SLC2A14: variants seen among roughly 807,000 people sequenced by gnomAD.
The protein encoded by SLC2A14 is solute carrier family 2, facilitated glucose transporter member 14.
SLC2A14 carries 13 observed loss-of-function variants against 43.0 expected under a neutral mutation model. The observed-to-expected ratio is 0.30, with a 90% CI of 0.20 to 0.48. SLC2A14 has a LOEUF of 0.48. SLC2A14 is among the 20% of genes least tolerant of loss of function. SLC2A14 has a pLI of 0.99. For synonymous variants in SLC2A14, 190 were observed against 233.8 expected (o/e 0.81, Z 1.71); for missense variants, 428 against 620.4 (o/e 0.69, Z 3.29).
chr12:7,862,264 CAAAAAAAAAAAA>C (rs71038792), intron 2 of SLC2A14, among the ~76,000 whole-genome samples: 1 of 58,922 alleles, frequency 1.7e-5, no homozygotes, highest in South Asian at 6.5e-4. Flanking sequence ...ACTTGTCTCT[CAAAAAAAAAAAA>C]AAAAAAAAAA....
upstream of SLC2A14, among the ~76,000 whole-genome samples, chr12:7,874,439 C>T (rs770851412): frequency 2.6e-5 from 4 of 151,750 alleles, no homozygotes; most frequent in Admixed American, 2.6e-4. Flanking sequence ...TTTGGGAGGC[C>T]GAGGCAGGTG....
rs746573017 is a variant in SLC2A14 at position 7,814,420 on chromosome 12, G to A, written c.1390C>T (p.Arg464Trp). Residue 464 changes from arginine (R) to tryptophan (W), a missense_variant, in exon 11 of 11, where the codon CGG becomes TGG. Coordinates refer to ENST00000431042, the MANE Select transcript of SLC2A14 (RefSeq NM_001286234.2). ...CCGTGTGCCTGCCCTTCAAAGGCCC[G>A]TGTGATATCCTCAAAAGTCCTGCCA... ...TRGRTFEDIT[R>W]AFEGQAHGAD... is the part of the protein sequence containing the mutation. The A allele has an allele frequency of 1.6e-5, 26 of 1,613,360 alleles. No homozygotes were observed. The highest frequency in any genetic ancestry group is 2.2e-5 in the East Asian group (1 of 44,864).
chr12:7,823,015 A>G (rs1864053442), intron 7 of SLC2A14, among the ~76,000 whole-genome samples: 1 of 152,190 alleles, frequency 6.6e-6, no homozygotes, highest in South Asian at 2.1e-4. Flanking sequence ...ATGAAATAAT[A>G]CCAGCTACTA....
intron 3 of SLC2A14, among the ~76,000 whole-genome samples, chr12:7,832,015 G>C (rs992834853): frequency 6.6e-6 from 1 of 152,262 alleles, no homozygotes; most frequent in African/African-American, 2.4e-5. Flanking sequence ...GGCTGAGGTA[G>C]GAGAATCGCT....
At chr12:7,884,618 A>C in intron 1 of SLC2A14, among the ~76,000 whole-genome samples, 1 of 152,138 alleles carries the variant, frequency 6.6e-6, no homozygotes, top group Admixed American at 6.6e-5. Context: ...GCATTGTCAT[A>C]GGTGCTGGAC....
At chr12:7,875,138 A>T (rs1321227852), upstream of SLC2A14, among the ~76,000 whole-genome samples, 10 of 136,690 alleles carry the variant, frequency 7.3e-5, no homozygotes, top group East Asian at 4.0e-4. Flanking sequence ...AATATATTTA[A>T]ATATTATATT....
intron 2 of SLC2A14, among the ~76,000 whole-genome samples, chr12:7,845,052 A>C (rs1410963953): frequency 6.6e-6 from 1 of 152,130 alleles, no homozygotes; most frequent in East Asian, 1.9e-4. Context: ...TAAGTTGTGA[A>C]TTACGACTAG....
In SLC2A14 at chr12:7,831,780, T is replaced by C. The variant is rs1290856289; in HGVS notation, c.112-16A>G. The stretch of plus-strand genomic sequence containing the variant: ...CCTTTATGATCTGCAAAATAAAAGG[T>C]GGGAGGACAGACTATTACAGTTGGA... On this transcript the variant is annotated splice_polypyrimidine_tract_variant and intron_variant, in intron 3 of 10. Transcript: ENST00000431042. 1.9e-6 allele frequency: 3 copies of C among 1,613,904 alleles called. No individual in the cohort carries two copies. Among genetic ancestry groups the C allele is most frequent in the Non-Finnish European group, 1.7e-6 (2 of 1,179,872 alleles).
rs140578128 is a variant in SLC2A14, at chr12:7,857,352, G to T, written c.18+12511C>A. On this transcript the variant is annotated intron_variant, in intron 2 of 10. Transcript: ENST00000431042. ...GCCTGTAATCCTAGCATTTTGGGAGGCCAAGGTGGGTGGATGACTTGAGGT... is the reference window on the plus strand; with the variant it reads ...GCCTGTAATCCTAGCATTTTGGGAGTCCAAGGTGGGTGGATGACTTGAGGT... Among the ~76,000 whole-genome samples the T allele has an allele frequency of 1.5e-3, 225 of 152,266 alleles. 1 individual carries two copies. Among genetic ancestry groups the T allele is most frequent in the African/African-American group, 4.6e-3 (193 of 41,554 alleles).
In SLC2A14 at chr12:7,828,279, C is replaced by T. The variant is rs762926626; in HGVS notation, c.676+425G>A. Among the ~76,000 whole-genome samples, 8 of 151,952 alleles carry T rather than the reference C, an allele frequency of 5.3e-5. No homozygotes were observed. In the South Asian group the frequency reaches 1.7e-3, roughly 32 times the overall value. ...ACTCGGGAGGCTAAGGCAGGAGAAT[C>T]ACTTGAACCTGGGAGGCAGAGGTTG... is the stretch of plus-strand genomic sequence containing the variant. On this transcript the variant is annotated intron_variant, in intron 6 of 10. Transcript: ENST00000431042.
intron 3 of SLC2A14, among the ~76,000 whole-genome samples, chr12:7,832,304 C>T (rs1462153135): frequency 1.3e-5 from 2 of 152,136 alleles, no homozygotes; most frequent in Admixed American, 6.6e-5. Context: ...CTCTGCTAAG[C>T]GAACCTGGCC....
At chr12:7,815,014 G>C (rs2120635825) in intron 10 of SLC2A14, among the ~76,000 whole-genome samples, 1 of 151,998 alleles carries the variant, frequency 6.6e-6, no homozygotes, top group East Asian at 2.0e-4. Context: ...TGGCCAGGCT[G>C]GTCTCAAACT....
intron 7 of SLC2A14, among the ~76,000 whole-genome samples, chr12:7,826,851 T>TTCCA: frequency 9.8e-5 from 1 of 10,172 alleles, no homozygotes; most frequent in Non-Finnish European, 3.3e-4. Flanking sequence ...CCTTCCTTCC[T>TTCCA]TCCTTTCTTT....
intron 1 of SLC2A14, among the ~76,000 whole-genome samples, chr12:7,885,588 C>A (rs1269277391): frequency 2.0e-5 from 3 of 150,010 alleles, no homozygotes; most frequent in African/African-American, 7.4e-5. Context: ...GCACCGTAGT[C>A]TGAGCAGTGC....
intron 2 of SLC2A14, among the ~76,000 whole-genome samples, chr12:7,834,386 G>A (rs932059330): frequency 6.6e-6 from 1 of 151,890 alleles, no homozygotes; most frequent in African/African-American, 2.4e-5. Context: ...ACTGAGTCTT[G>A]AGAATCTAAA....
chr12:7,828,067 A>T (rs900100057), intron 6 of SLC2A14, among the ~76,000 whole-genome samples: 3 of 151,890 alleles, frequency 2.0e-5, no homozygotes, highest in South Asian at 2.1e-4. Flanking sequence ...TTAAAAAAAA[A>T]ATACAAATTA....
chr12:7,830,263 T>C (rs748350627), intron 4 of SLC2A14, among the ~76,000 whole-genome samples: 2 of 151,710 alleles, frequency 1.3e-5, no homozygotes, highest in Non-Finnish European at 2.9e-5. Context: ...AGCAATTCTC[T>C]GCCTCATACT....
At chr12:7,845,203 C>T (rs1372762339) in intron 2 of SLC2A14, among the ~76,000 whole-genome samples, 2 of 152,090 alleles carry the variant, frequency 1.3e-5, no homozygotes, top group African/African-American at 4.8e-5. Flanking sequence ...AGTACCTGGG[C>T]AAACCTCTAT....
chr12:7,891,138 A>C, exon 1 of SLC2A14: 1 of 1,531,598 alleles, frequency 6.5e-7, no homozygotes, highest in Middle Eastern at 1.7e-4. Flanking sequence ...TGTGAACAAA[A>C]GTCAGGTTGT....
Sources: allele counts gnomAD v4.1 joint callset (sites outside exome capture counted in the v4.1 genomes callset), GRCh38; gene constraint gnomAD v4.1.1; transcripts MANE v1.5; gene names NCBI Gene and HGNC (gene_info 2026-07-23, HGNC 2026-07-21).